The following PTPRA variants were observed in gnomAD, a reference collection of about 807,000 sequenced individuals.
PTPRA encodes the protein receptor-type tyrosine-protein phosphatase alpha.
Under a neutral mutation model 104.8 loss-of-function variants are expected in PTPRA, and 25 were observed. That is an observed-to-expected ratio of 0.24 (90% CI 0.17 to 0.33). The LOEUF is 0.33. Ranked by LOEUF, PTPRA falls within the 10% of genes least tolerant of loss-of-function variation. The probability of loss-of-function intolerance (pLI) is 1.00; values close to 1 mark genes in which losing one functional copy is unlikely to be tolerated. For synonymous variants in PTPRA, 323 were observed against 368.9 expected, an observed-to-expected ratio of 0.88 and a Z score of 1.43; for missense variants, 765 against 1,015.3, an observed-to-expected ratio of 0.75 and a Z score of 3.35.
At chr20:2,976,046 T>TAC (rs2062419081) in intron 6 of PTPRA, among the ~76,000 whole-genome samples, 1 of 152,210 alleles carries the variant, frequency 6.6e-6, no homozygotes, top group Non-Finnish European at 1.5e-5. Flanking sequence ...GAAGTCCCAC[T>TAC]AAGTAGGGAG....
chr20:2,977,426 A>G (rs977226711), intron 6 of PTPRA, among the ~76,000 whole-genome samples: 1 of 152,028 alleles, frequency 6.6e-6, no homozygotes, highest in Non-Finnish European at 1.5e-5. Context: ...CAGGTGGATC[A>G]CTTGAGCCCA....
At position 2,915,898 on chromosome 20, in the gene PTPRA, A is replaced by G. The variant is rs796832070; in HGVS notation, c.-128-7309A>G. ...TTGAGGCAGGAAAATTACTTGAACC[A>G]TGGAGGCAGAGGTTGCAGTGAGCCG... On this transcript the variant is annotated intron_variant, in intron 1 of 23. Transcript: ENST00000399903. Among the ~76,000 whole-genome samples, 22 of 152,240 alleles carry G rather than the reference A, an allele frequency of 1.4e-4. 1 individual carries two copies. Among genetic ancestry groups the G allele is most frequent in the African/African-American group, 4.8e-4 (20 of 41,546 alleles).
intron 3 of PTPRA, among the ~76,000 whole-genome samples, chr20:2,955,888 TC>T (rs1040699308): frequency 3.9e-5 from 6 of 152,218 alleles, no homozygotes; most frequent in South Asian, 4.1e-4. Context: ...CTGTCTTTTT[TC>T]CCCCTACCCC....
intron 1 of PTPRA, among the ~76,000 whole-genome samples, chr20:2,910,000 CTATCATATATCATATATAATCTATCATA>C (rs2059596240): frequency 2.7e-5 from 2 of 73,130 alleles, no homozygotes; most frequent in Non-Finnish European, 4.4e-5. Flanking sequence ...TATATATAAT[CTATCATATATCATATATAATCTATCATA>C]TATCATATCA....
chr20:2,975,766 T>C (rs1193173662), intron 6 of PTPRA, among the ~76,000 whole-genome samples: 1 of 152,144 alleles, frequency 6.6e-6, no homozygotes, highest in Non-Finnish European at 1.5e-5. Flanking sequence ...TAGGGGGACA[T>C]GGGTACTTGT....
chr20:2,887,329 T>C (rs867198896), intron 1 of PTPRA, among the ~76,000 whole-genome samples: 8 of 152,208 alleles, frequency 5.3e-5, no homozygotes, highest in South Asian at 2.1e-4. Context: ...ATGTATACTC[T>C]TATTTATTGG....
intron 1 of PTPRA, among the ~76,000 whole-genome samples, chr20:2,898,532 G>A (rs1056302532): frequency 5.3e-5 from 8 of 151,510 alleles, no homozygotes; most frequent in South Asian, 2.1e-4. Flanking sequence ...ATCATTCTTT[G>A]ATCACTTTTT....
chr20:2,871,747 A>C (rs548309882), upstream of PTPRA, among the ~76,000 whole-genome samples: 9 of 152,188 alleles, frequency 5.9e-5, 1 homozygote, highest in East Asian at 1.4e-3. Flanking sequence ...ACTTAAGGGG[A>C]TATGTGAATG....
intron 2 of PTPRA, among the ~76,000 whole-genome samples, chr20:2,943,981 G>T (rs1421807993): frequency 6.6e-6 from 1 of 151,202 alleles, no homozygotes; most frequent in Non-Finnish European, 1.5e-5. Context: ...TCAAAAATTG[G>T]CTCACAATTC....
chr20:2,958,658 T>TAA (rs71195806), intron 3 of PTPRA, among the ~76,000 whole-genome samples: 4,642 of 62,166 alleles, frequency 0.075, 371 homozygotes, highest in East Asian at 0.14. Context: ...CCATCTCTAC[T>TAA]AAAAAAAAAA....
chr20:3,010,545 G>A (rs961539589), intron 11 of PTPRA, among the ~76,000 whole-genome samples: 4 of 152,054 alleles, frequency 2.6e-5, no homozygotes, highest in South Asian at 2.1e-4. Context: ...GGAGAACGGC[G>A]TGAACCTGGG....
At chr20:2,994,988 G>A (rs536377558) in intron 9 of PTPRA, among the ~76,000 whole-genome samples, 18 of 152,178 alleles carry the variant, frequency 1.2e-4, no homozygotes, top group African/African-American at 3.9e-4. Context: ...AAATTAGCCG[G>A]GCATGGTGGT....
intron 1 of PTPRA, among the ~76,000 whole-genome samples, chr20:2,916,835 T>C (rs1038747770): frequency 1.3e-5 from 2 of 152,222 alleles, no homozygotes; most frequent in African/African-American, 4.8e-5. Flanking sequence ...TACCGGTGCT[T>C]TGCAATAAGT....
intron 22 of PTPRA, among the ~76,000 whole-genome samples, chr20:3,036,880 C>A (rs1462602476): frequency 6.6e-6 from 1 of 152,218 alleles, no homozygotes; most frequent in Admixed American, 6.5e-5. Flanking sequence ...CCAGCATGTG[C>A]AGGTGGACAG....
intron 1 of PTPRA, among the ~76,000 whole-genome samples, chr20:2,905,118 A>G (rs2059376642): frequency 6.6e-6 from 1 of 152,142 alleles, no homozygotes; most frequent in East Asian, 1.9e-4. Context: ...TGTACACTCC[A>G]GGGATCTAGG....
intron 2 of PTPRA, among the ~76,000 whole-genome samples, chr20:2,935,900 C>A (rs1319708264): frequency 6.6e-6 from 1 of 152,092 alleles, no homozygotes; most frequent in African/African-American, 2.4e-5. Flanking sequence ...GCCTATGATC[C>A]CAGCTACTTG....
At chr20:2,941,703 C>A (rs2060927032) in intron 2 of PTPRA, among the ~76,000 whole-genome samples, 1 of 152,146 alleles carries the variant, frequency 6.6e-6, no homozygotes. Flanking sequence ...GCACCTGCTC[C>A]CCCTTACTCT....
At chr20:2,940,461 C>T (rs1226816663) in intron 2 of PTPRA, among the ~76,000 whole-genome samples, 2 of 152,176 alleles carry the variant, frequency 1.3e-5, no homozygotes, top group East Asian at 1.9e-4. Context: ...TAGCTGTTTT[C>T]TTATCCCATT....
intron 1 of PTPRA, among the ~76,000 whole-genome samples, chr20:2,883,005 G>A (rs2146852144): frequency 7.6e-6 from 1 of 132,346 alleles, no homozygotes; most frequent in Admixed American, 8.0e-5. Context: ...TTTTGAGACA[G>A]GTTCTCACTC....
Sources: allele counts gnomAD v4.1 joint callset (sites outside exome capture counted in the v4.1 genomes callset), GRCh38; gene constraint gnomAD v4.1.1; transcripts MANE v1.5; gene names NCBI Gene and HGNC (gene_info 2026-07-23, HGNC 2026-07-21).